Variants in RBM6 observed in about 807,000 individuals in gnomAD.
RBM6 encodes the protein RNA-binding protein 6.
Under a neutral mutation model 140.4 loss-of-function variants are expected in RBM6, and 23 were observed. The observed-to-expected ratio is 0.16, with a 90% CI of 0.12 to 0.23. The LOEUF (loss-of-function observed/expected upper bound fraction) is 0.23, where lower values mean the gene tolerates loss of function less well. Among genes scored for constraint, RBM6 ranks in the 10% least tolerant of loss-of-function variants. The pLI is 1.00. For missense variants in RBM6, 1,139 were observed against 1,386.7 expected, an observed-to-expected ratio of 0.82 and a Z score of 2.84; for synonymous variants, 439 against 475.6, an observed-to-expected ratio of 0.92 and a Z score of 1.00.
chr3:50,076,719 C>T (rs2090471506), intron 20 of RBM6, among the ~76,000 whole-genome samples: 1 of 151,988 alleles, frequency 6.6e-6, no homozygotes, highest in Non-Finnish European at 1.5e-5. Context: ...AACCCTGTCT[C>T]TACTAAAAAT....
chr3:50,040,232 G>A (rs1009169364), intron 6 of RBM6, among the ~76,000 whole-genome samples: 27 of 151,842 alleles, frequency 1.8e-4, no homozygotes, highest in African/African-American at 6.3e-4. Flanking sequence ...AGCTCACGAG[G>A]TCAGGAGACC....
At chr3:50,006,802 G>A (rs995117944) in intron 6 of RBM6, among the ~76,000 whole-genome samples, 2 of 151,858 alleles carry the variant, frequency 1.3e-5, no homozygotes, top group Non-Finnish European at 2.9e-5. Flanking sequence ...GCGTGGTGGC[G>A]GGCGCCTGTA....
chr3:49,971,318 G>A (rs969265330), intron 3 of RBM6, among the ~76,000 whole-genome samples: 1 of 149,866 alleles, frequency 6.7e-6, no homozygotes, highest in East Asian at 2.0e-4. Flanking sequence ...GGAGGTGGGC[G>A]CCTGTAATCC....
chr3:50,062,755 C>G (rs6793528), intron 15 of RBM6, among the ~76,000 whole-genome samples: 3 of 151,790 alleles, frequency 2.0e-5, no homozygotes, highest in East Asian at 1.9e-4. Context: ...ACTTTTTATC[C>G]TAAGTATTTT....
chr3:49,972,642 C>T (rs908763215), intron 4 of RBM6, among the ~76,000 whole-genome samples: 4 of 152,146 alleles, frequency 2.6e-5, no homozygotes, highest in African/African-American at 9.7e-5. Context: ...TTAATTATCA[C>T]ATATTTAATA....
chr3:50,043,498 A>AAAG, intron 6 of RBM6, among the ~76,000 whole-genome samples: 1 of 150,096 alleles, frequency 6.7e-6, no homozygotes, highest in East Asian at 2.0e-4. Flanking sequence ...AAAAAAAAAA[A>AAAG]AGAGAGATCT....
At chr3:50,001,693 CCA>C (rs2086335268) in intron 6 of RBM6, among the ~76,000 whole-genome samples, 1 of 152,104 alleles carries the variant, frequency 6.6e-6, no homozygotes, top group Non-Finnish European at 1.5e-5. Context: ...CTGCTACATG[CCA>C]ATTTTGGAGA....
chr3:49,998,537 G>A (rs1334419350), intron 5 of RBM6, among the ~76,000 whole-genome samples: 1 of 152,198 alleles, frequency 6.6e-6, no homozygotes, highest in Non-Finnish European at 1.5e-5. Context: ...GGAAATTATA[G>A]GACTGGTTAG....
At chr3:50,061,081 CTG>C (rs2089918591) in intron 12 of RBM6, 57 bp from the exon 13 acceptor site, 1 of 1,611,358 alleles carries the variant, frequency 6.2e-7, no homozygotes, top group African/African-American at 1.3e-5. Flanking sequence ...TAGTGGGTGA[CTG>C]TTAAGGTGAA....
chr3:49,981,364 A>G (rs961840320), intron 5 of RBM6, among the ~76,000 whole-genome samples: 1 of 152,190 alleles, frequency 6.6e-6, no homozygotes, highest in Non-Finnish European at 1.5e-5. Flanking sequence ...CTTAAGCCCC[A>G]TCCTAAACCT....
chr3:50,053,394 A>G (rs962222327), intron 7 of RBM6, among the ~76,000 whole-genome samples: 1 of 152,088 alleles, frequency 6.6e-6, no homozygotes, highest in Non-Finnish European at 1.5e-5. Flanking sequence ...AGCCAGGTGT[A>G]GTGGCACATG....
chr3:50,043,346 A>G (rs1415099813), intron 6 of RBM6, among the ~76,000 whole-genome samples: 1 of 151,708 alleles, frequency 6.6e-6, no homozygotes, highest in South Asian at 2.1e-4. Flanking sequence ...ATCCCGGTGT[A>G]GTGGCGCACA....
chr3:50,021,375 C>A lies in RBM6; in HGVS notation c.1557+21862C>A, dbSNP rs2087471161. On this transcript the variant is annotated intron_variant, in intron 6 of 20. Transcript: ENST00000266022. Reference sequence around the variant, plus strand: ...ACATTTAAGGCTGGGTGCAGTGGCTCATACCTGTAATCCTAGCACTTTGGG... The same window carrying A: ...ACATTTAAGGCTGGGTGCAGTGGCTAATACCTGTAATCCTAGCACTTTGGG... Among the ~76,000 whole-genome samples the A allele has an allele frequency of 2.0e-5, 3 of 152,278 alleles. No individual in the cohort carries two copies. The South Asian group carries it at 6.2e-4, about 32-fold the overall frequency.
At chr3:50,054,505 A>C (rs1222110051) in intron 8 of RBM6, 110 bp downstream of exon 8, 39 of 1,025,062 alleles carry the variant, frequency 3.8e-5, no homozygotes, top group Non-Finnish European at 5.2e-5. Context: ...TTGATCTACA[A>C]ACCTTTTTTT....
intron 1 of RBM6, among the ~76,000 whole-genome samples, chr3:49,951,251 TG>T (rs2083715310): frequency 6.6e-6 from 1 of 152,164 alleles, no homozygotes; most frequent in African/African-American, 2.4e-5. Context: ...CTTGCTCTGT[TG>T]CCCAGGCTGG....
chr3:49,973,884 C>T (rs954773123), intron 4 of RBM6, among the ~76,000 whole-genome samples: 1 of 135,344 alleles, frequency 7.4e-6, no homozygotes, highest in African/African-American at 2.6e-5. Flanking sequence ...CCGCGCCCAG[C>T]ATTTTGTTTG....
At chr3:50,068,081 G>A (rs2090176161) in intron 17 of RBM6, among the ~76,000 whole-genome samples, 1 of 152,180 alleles carries the variant, frequency 6.6e-6, no homozygotes, top group Non-Finnish European at 1.5e-5. Context: ...CAGGAAAGAG[G>A]AGCCACAGGT....
intron 6 of RBM6, among the ~76,000 whole-genome samples, chr3:50,039,482 A>C (rs1227030385): frequency 5.0e-3 from 606 of 121,844 alleles, no homozygotes; most frequent in African/African-American, 8.7e-3. Flanking sequence ...CAGGTGATCC[A>C]CCCCCCCCCC....
At chr3:50,020,807 C>T (rs1005639150) in intron 6 of RBM6, among the ~76,000 whole-genome samples, 3 of 152,132 alleles carry the variant, frequency 2.0e-5, no homozygotes, top group South Asian at 2.1e-4. Flanking sequence ...ACAGTAGTAT[C>T]TAAAGATAGA....
Sources: gnomAD v4.1 joint callset for allele counts (sites outside exome capture counted in the v4.1 genomes callset) on GRCh38, gnomAD v4.1.1 for gene constraint, MANE v1.5 for transcripts, NCBI Gene and HGNC (gene_info 2026-07-23, HGNC 2026-07-21) for gene names.